The following DMD variants were observed in gnomAD, a reference collection of about 807,000 sequenced individuals.
DMD encodes mutant dystrophin.
A neutral mutation model predicts 330.1 loss-of-function variants in DMD; 63 were observed. The observed-to-expected ratio is 0.19, with a 90% CI of 0.16 to 0.24. The LOEUF is 0.24. DMD is among the 10% of genes least tolerant of loss of function. The pLI, the probability that DMD is intolerant of heterozygous loss-of-function variation, is 1.00. For synonymous variants in DMD, 1,223 were observed against 959.8 expected, an observed-to-expected ratio of 1.27 and a Z score of -5.07; for missense variants, 3,344 against 2,684.1, an observed-to-expected ratio of 1.25 and a Z score of -5.43.
intron 9 of DMD, among the ~76,000 whole-genome samples, chrX:32,692,839 A>G (rs2063378806): frequency 8.9e-6 from 1 of 112,119 alleles, no homozygotes; most frequent in African/African-American, 3.2e-5. Context: ...CCCCTGATGT[A>G]TCTAAAGTAG....
At chrX:31,830,846 G>C (rs917751194) in intron 49 of DMD, among the ~76,000 whole-genome samples, 1 of 111,626 alleles carries the variant, frequency 9.0e-6, no homozygotes, top group African/African-American at 3.3e-5. Flanking sequence ...TTTGAAACAA[G>C]ACAGAGACAA....
chrX:31,264,617 T>C (rs372803727), intron 62 of DMD, among the ~76,000 whole-genome samples: 3 of 112,173 alleles, frequency 2.7e-5, no homozygotes, highest in East Asian at 5.6e-4. Flanking sequence ...CCCCTCTCCT[T>C]CTTCTTTCTA....
chrX:31,597,645 G>T (rs1281790271), intron 55 of DMD, among the ~76,000 whole-genome samples: 1 of 111,974 alleles, frequency 8.9e-6, no homozygotes, highest in Non-Finnish European at 1.9e-5. Context: ...AGAAATCAAT[G>T]TTGGCTGAAA....
Position 32,740,285 on chromosome X carries a change from G to A in DMD, c.650-40992C>T, listed in dbSNP as rs145881092. On this transcript the variant is annotated intron_variant, in intron 7 of 78. Coordinates refer to ENST00000357033, the MANE Select transcript of DMD (RefSeq NM_004006.3). Reference sequence around the variant, plus strand: ...AAATTCTATTCTTTTGAGTCGCTGAGATATCAGAATTATTCTTATAGATGC... The same window carrying A: ...AAATTCTATTCTTTTGAGTCGCTGAAATATCAGAATTATTCTTATAGATGC... Among the ~76,000 whole-genome samples, 249 of 110,324 alleles carry A rather than the reference G, an allele frequency of 2.3e-3. 2 individuals carry two copies. Among genetic ancestry groups the A allele is most frequent in the African/African-American group, 7.7e-3 (236 of 30,481 alleles).
At chrX:32,521,414 T>G (rs1332645357) in intron 17 of DMD, among the ~76,000 whole-genome samples, 1 of 112,045 alleles carries the variant, frequency 8.9e-6, no homozygotes, top group African/African-American at 3.2e-5. Flanking sequence ...CCATTGGTAA[T>G]TTTTTCTTTG....
intron 17 of DMD, among the ~76,000 whole-genome samples, chrX:32,525,711 T>C (rs1355250349): frequency 9.0e-6 from 1 of 111,610 alleles, no homozygotes; most frequent in Non-Finnish European, 1.9e-5. Context: ...ACCTCTGATT[T>C]AAATGTCTTC....
chrX:32,631,585 T>C (rs1258766010), intron 11 of DMD, among the ~76,000 whole-genome samples: 1 of 111,820 alleles, frequency 8.9e-6, no homozygotes, highest in Non-Finnish European at 1.9e-5. Context: ...CCCTGAGACA[T>C]GATGCTGGCA....
intron 60 of DMD, among the ~76,000 whole-genome samples, chrX:31,350,628 TGTGTGAGAGA>T (rs745493370): frequency 0.094 from 4,920 of 52,312 alleles, 147 homozygotes; most frequent in Non-Finnish European, 0.14. Flanking sequence ...TGTGTGTGTG[TGTGTGAGAGA>T]GAGAGAGAGA....
At chrX:31,724,303 C>T (rs768729091) in intron 52 of DMD, among the ~76,000 whole-genome samples, 2 of 112,237 alleles carry the variant, frequency 1.8e-5, no homozygotes, top group East Asian at 2.8e-4. Flanking sequence ...CTTTTTATTT[C>T]GCCATGAAGG....
intron 44 of DMD, among the ~76,000 whole-genome samples, chrX:32,033,724 G>C (rs2095914665): frequency 9.0e-6 from 1 of 110,778 alleles, no homozygotes; most frequent in Non-Finnish European, 1.9e-5. Context: ...AAATGAGAGA[G>C]AGAGAATTCT....
At chrX:33,072,607 G>C (rs1170327111) in intron 1 of DMD, among the ~76,000 whole-genome samples, 2 of 111,409 alleles carry the variant, frequency 1.8e-5, no homozygotes, top group East Asian at 5.7e-4. Context: ...CCATTGATTT[G>C]GATAATGGTG....
intron 18 of DMD, among the ~76,000 whole-genome samples, chrX:32,502,121 C>A (rs1316036332): frequency 2.7e-5 from 3 of 110,745 alleles, no homozygotes; most frequent in Non-Finnish European, 5.7e-5. Flanking sequence ...CGCAAGACTG[C>A]AAAAAGTAAA....
chrX:32,627,133 T>C (rs1900099711), intron 11 of DMD, among the ~76,000 whole-genome samples: 1 of 87,774 alleles, frequency 1.1e-5, no homozygotes, highest in Non-Finnish European at 2.1e-5. Context: ...TTGAGAACGA[T>C]TGTGCCTCTT....
In DMD at chrX:32,931,286, G is replaced by A. The variant is rs781016431; in HGVS notation, c.94-81466C>T. On this transcript the variant is annotated intron_variant, in intron 2 of 78. Transcript: ENST00000357033. The stretch of plus-strand genomic sequence containing the variant: ...AATAAGGAGATAACCCTAAATTTAC[G>A]ATAGTCAGGCATGTTGTGCAACAGA... 1.1e-4 allele frequency among the ~76,000 whole-genome samples: 12 copies of A among 110,775 alleles called. No individual in the cohort carries two copies. The East Asian group carries it at 2.8e-3, about 26-fold the overall frequency.
intron 45 of DMD, among the ~76,000 whole-genome samples, chrX:31,956,413 GAGA>G (rs1389234321): frequency 8.9e-6 from 1 of 111,893 alleles, no homozygotes; most frequent in Non-Finnish European, 1.9e-5. Context: ...CGTATAGAAT[GAGA>G]AGAAGGGAGG....
At chrX:32,609,171 T>C (rs1884127423) in intron 12 of DMD, among the ~76,000 whole-genome samples, 1 of 111,086 alleles carries the variant, frequency 9.0e-6, no homozygotes, top group Non-Finnish European at 1.9e-5. Context: ...TGTACCTGTT[T>C]ACAATTTTTG....
chrX:31,374,026 C>A (rs1293844185), intron 60 of DMD, among the ~76,000 whole-genome samples: 1 of 104,524 alleles, frequency 9.6e-6, no homozygotes, highest in African/African-American at 3.6e-5. Context: ...TGAACAGACA[C>A]TTCTCAAAAG....
rs780600555 is a variant in DMD, at chrX:31,574,469, T to C, written c.8217+53204A>G. ...CAAAGGATTATCTTTAAGTTAAACA[T>C]AGAAATAAGGATGTAAAATGGAATT... On this transcript the variant is annotated intron_variant, in intron 55 of 78. Coordinates refer to ENST00000357033, the MANE Select transcript of DMD (RefSeq NM_004006.3). Among the ~76,000 whole-genome samples, 4 of 111,301 alleles carry C rather than the reference T, an allele frequency of 3.6e-5. No homozygotes were observed. The East Asian group carries it at 1.1e-3, about 31-fold the overall frequency.
intron 1 of DMD, among the ~76,000 whole-genome samples, chrX:33,305,543 T>A (rs1200682012): frequency 9.6e-6 from 1 of 103,673 alleles, no homozygotes; most frequent in Admixed American, 1.1e-4. Flanking sequence ...ATTGTGCACA[T>A]GTACCCTAAA....
Sources: allele counts gnomAD v4.1 joint callset (sites outside exome capture counted in the v4.1 genomes callset), GRCh38; gene constraint gnomAD v4.1.1; transcripts MANE v1.5; gene names NCBI Gene and HGNC (gene_info 2026-07-23, HGNC 2026-07-21).